JMJD1C: variants seen among roughly 807,000 people sequenced by gnomAD.
The protein encoded by JMJD1C is jumonji domain-containing protein 1C.
JMJD1C carries 31 observed loss-of-function variants against 245.3 expected under a neutral mutation model. The observed-to-expected ratio is 0.13, with a 90% CI of 0.09 to 0.17. The LOEUF (loss-of-function observed/expected upper bound fraction) is 0.17. Ranked by LOEUF, JMJD1C falls within the 10% of genes least tolerant of loss-of-function variation. The pLI, the probability that JMJD1C is intolerant of heterozygous loss-of-function variation, is 1.00. For missense variants in JMJD1C, 2,691 were observed against 3,000.2 expected, an observed-to-expected ratio of 0.90 and a Z score of 2.41; for synonymous variants, 1,057 against 1,017.4, an observed-to-expected ratio of 1.04 and a Z score of -0.74.
chr10:63,199,080 T>A (rs1845750704), intron 11 of JMJD1C, among the ~76,000 whole-genome samples: 1 of 152,178 alleles, frequency 6.6e-6, no homozygotes, highest in South Asian at 2.1e-4. Context: ...ATACATAATC[T>A]AAATCGGAAT....
intron 2 of JMJD1C, among the ~76,000 whole-genome samples, chr10:63,269,982 A>G (rs574578508): frequency 6.6e-6 from 1 of 152,298 alleles, no homozygotes; most frequent in East Asian, 1.9e-4. Context: ...ATTGAATATA[A>G]AAAAAATTAA....
At chr10:63,355,607 C>T (rs1430754805) in intron 2 of JMJD1C, among the ~76,000 whole-genome samples, 1 of 152,022 alleles carries the variant, frequency 6.6e-6, no homozygotes, top group Non-Finnish European at 1.5e-5. Flanking sequence ...GAGGGAACAA[C>T]AGTAAAAAGC....
intron 1 of JMJD1C, among the ~76,000 whole-genome samples, chr10:63,473,154 T>C (rs1953547580): frequency 6.6e-6 from 1 of 152,182 alleles, no homozygotes; most frequent in South Asian, 2.1e-4. Flanking sequence ...TATAATACTT[T>C]CTATAAAACT....
At chr10:63,247,995 G>A (rs566303985) in intron 3 of JMJD1C, among the ~76,000 whole-genome samples, 11 of 151,900 alleles carry the variant, frequency 7.2e-5, no homozygotes, top group East Asian at 3.9e-4. Flanking sequence ...GTGGGAAGCC[G>A]AGGTAGTGGA....
chr10:63,202,934 T>A, intron 10 of JMJD1C: 1 of 982,024 alleles, frequency 1.0e-6, no homozygotes, highest in Non-Finnish European at 1.2e-6. Flanking sequence ...TATTTCTTTT[T>A]ATTATATGCC....
intron 3 of JMJD1C, among the ~76,000 whole-genome samples, chr10:63,241,440 G>A (rs1851471829): frequency 6.6e-6 from 1 of 151,944 alleles, no homozygotes; most frequent in Admixed American, 6.6e-5. Flanking sequence ...TAACTACATA[G>A]GTTTAAAATT....
intron 3 of JMJD1C, among the ~76,000 whole-genome samples, chr10:63,231,432 T>C (rs1411685433): frequency 6.6e-6 from 1 of 152,172 alleles, no homozygotes; most frequent in Non-Finnish European, 1.5e-5. Context: ...TAGAAATCAA[T>C]GAGCAAGCCC....
intron 1 of JMJD1C, among the ~76,000 whole-genome samples, chr10:63,406,078 T>C (rs147293716): frequency 2.0e-5 from 3 of 152,218 alleles, no homozygotes; most frequent in African/African-American, 7.2e-5. Flanking sequence ...GAATATTACA[T>C]GGGAAAGATG....
At chr10:63,361,423 C>G (rs1485289750) in intron 2 of JMJD1C, among the ~76,000 whole-genome samples, 2 of 152,046 alleles carry the variant, frequency 1.3e-5, no homozygotes, top group South Asian at 2.1e-4. Flanking sequence ...GACTCCGTCT[C>G]AATAAATAAG....
At chr10:63,225,747 C>A (rs897958690) in intron 3 of JMJD1C, among the ~76,000 whole-genome samples, 3 of 151,398 alleles carry the variant, frequency 2.0e-5, no homozygotes, top group African/African-American at 7.3e-5. Flanking sequence ...CCATTGCACT[C>A]CAGCCCGGGC....
At chr10:63,379,151 T>C (rs920710817) in intron 2 of JMJD1C, among the ~76,000 whole-genome samples, 1 of 152,018 alleles carries the variant, frequency 6.6e-6, no homozygotes, top group Non-Finnish European at 1.5e-5. Flanking sequence ...AATAGAAAAT[T>C]TATATGCATT....
chr10:63,358,085 A>T (rs12772006), intron 2 of JMJD1C, among the ~76,000 whole-genome samples: 30,660 of 152,142 alleles, frequency 0.2, 4,062 homozygotes, highest in Non-Finnish European at 0.29. Context: ...CAATAATGAA[A>T]AAGTGAAAAT....
rs1444240515 is a variant in JMJD1C, at chr10:63,208,075, G to A, written c.3594C>T (p.Arg1198=). 6.2e-7 allele frequency: 1 copy of A among 1,614,108 alleles called. No individual in the cohort carries two copies. The highest frequency in any genetic ancestry group is 8.5e-7 in the Non-Finnish European group (1 of 1,179,986). ...GTGCTCTATGTAATGCAGGCATACT[G>A]CGGAGTGTATTTGTAGAAGAAACTG... ...HLTVSSTNTL[R]SMPALHRAPV... is the part of the protein sequence containing the mutation. The change falls in exon 10 of 26, where the codon CGC becomes CGT. Residue 1198 remains arginine, a synonymous_variant. Transcript: ENST00000399262.
intron 1 of JMJD1C, among the ~76,000 whole-genome samples, chr10:63,391,002 C>A (rs2134599651): frequency 6.6e-6 from 1 of 152,266 alleles, no homozygotes; most frequent in East Asian, 1.9e-4. Flanking sequence ...CCAGAGCAAT[C>A]AGGCAAAATA....
intron 2 of JMJD1C, among the ~76,000 whole-genome samples, chr10:63,302,747 A>ACT (rs1860255212): frequency 2.6e-5 from 4 of 152,236 alleles, no homozygotes; most frequent in Admixed American, 2.0e-4. Flanking sequence ...AGCTGGACTT[A>ACT]GTAATGAGGC....
At chr10:63,402,381 C>T (rs1188679794) in intron 1 of JMJD1C, among the ~76,000 whole-genome samples, 2 of 152,010 alleles carry the variant, frequency 1.3e-5, no homozygotes, top group African/African-American at 4.8e-5. Context: ...AATTGTTAGT[C>T]CTTTGTGTTG....
At chr10:63,309,346 T>C (rs1440613534) in intron 2 of JMJD1C, among the ~76,000 whole-genome samples, 1 of 149,182 alleles carries the variant, frequency 6.7e-6, no homozygotes, top group Admixed American at 6.7e-5. Context: ...TGCAAAAAAT[T>C]AACCAGGCGT....
At chr10:63,240,576 AATATAG>A (rs1474053024) in intron 3 of JMJD1C, among the ~76,000 whole-genome samples, 1 of 152,236 alleles carries the variant, frequency 6.6e-6, no homozygotes, top group Non-Finnish European at 1.5e-5. Flanking sequence ...GAAGCAAGAA[AATATAG>A]ATATAACGGT....
intron 2 of JMJD1C, among the ~76,000 whole-genome samples, chr10:63,281,210 C>T (rs1471891259): frequency 6.6e-6 from 1 of 150,386 alleles, no homozygotes; most frequent in East Asian, 2.0e-4. Flanking sequence ...TCTCGGCTCA[C>T]TGCAACCTCT....
Sources: gnomAD v4.1 joint callset for allele counts (sites outside exome capture counted in the v4.1 genomes callset) on GRCh38, gnomAD v4.1.1 for gene constraint, MANE v1.5 for transcripts, NCBI Gene and HGNC (gene_info 2026-07-23, HGNC 2026-07-21) for gene names.